The following UQCR11 variants were observed in gnomAD, a reference collection of about 807,000 sequenced individuals.
UQCR11 encodes ubiquinol-cytochrome c reductase, complex III subunit XI.
Under a neutral mutation model 7.6 loss-of-function variants are expected in UQCR11, and 10 were observed. That is an observed-to-expected ratio of 1.31 (90% CI 0.81 to 2.22). The LOEUF is 2.22. Among genes scored for constraint, UQCR11 ranks in the 30% most tolerant of loss-of-function variants. The probability of loss-of-function intolerance (pLI) is 0.00; values close to 1 mark genes in which losing one functional copy is unlikely to be tolerated. For synonymous variants in UQCR11, 34 were observed against 34.9 expected (o/e 0.97, Z 0.09); for missense variants, 86 against 75.1 (o/e 1.15, Z -0.54).
intron 1 of UQCR11, among the ~76,000 whole-genome samples, chr19:1,602,734 G>C (rs575734996): frequency 6.6e-6 from 1 of 152,286 alleles, no homozygotes; most frequent in East Asian, 1.9e-4. Flanking sequence ...TTACACGCGT[G>C]AGCCACTGCG....
At chr19:1,598,735 A>G (rs2060738504) in intron 2 of UQCR11, among the ~76,000 whole-genome samples, 1 of 152,330 alleles carries the variant, frequency 6.6e-6, no homozygotes, top group African/African-American at 2.4e-5. Context: ...TCCCTTCCAT[A>G]TGAAGCTGGC....
chr19:1,604,094 C>T (rs1285692071), intron 1 of UQCR11, among the ~76,000 whole-genome samples: 2 of 152,036 alleles, frequency 1.3e-5, no homozygotes, highest in African/African-American at 4.8e-5. Context: ...TACAGGCACG[C>T]GCCACCATAC....
At chr19:1,599,957 C>T (rs534134466) in intron 1 of UQCR11, among the ~76,000 whole-genome samples, 1 of 152,386 alleles carries the variant, frequency 6.6e-6, no homozygotes, top group Non-Finnish European at 1.5e-5. Flanking sequence ...CAGGCGAGGA[C>T]ACCAAACAAC....
Position 1,597,935 on chromosome 19 carries a change from A to G in UQCR11, c.*309T>C, listed in dbSNP as rs1247098798. The G allele has an allele frequency of 3.3e-5, 5 of 151,984 alleles. No homozygotes were observed. The highest frequency in any genetic ancestry group is 5.9e-5 in the Non-Finnish European group (4 of 68,004). 9.4% of individuals were successfully genotyped at this position (151,984 alleles called of 1,614,324 possible). A position where few individuals can be genotyped will look rare whatever the true frequency, so the allele number is the denominator to read the frequency against. ...GGCAGTTTCTGTCAGCCATTGGAAC[A>G]CTCTCCTAGACTTGCAACATTCTGG... On this transcript the variant is annotated 3_prime_UTR_variant, in exon 3 of 3. Coordinates refer to ENST00000591899, the MANE Select transcript of UQCR11 (RefSeq NM_006830.4).
At chr19:1,599,633 C>T in intron 1 of UQCR11, 73 bp from the exon 2 acceptor site, 1 of 1,576,284 alleles carries the variant, frequency 6.3e-7, no homozygotes, top group Admixed American at 1.7e-5. Flanking sequence ...CCACCCCGGC[C>T]CCCCGTCCTG....
intron 1 of UQCR11, among the ~76,000 whole-genome samples, chr19:1,604,724 T>G (rs1468779428): frequency 6.6e-6 from 1 of 152,002 alleles, no homozygotes; most frequent in East Asian, 1.9e-4. Context: ...GACGCGGGTT[T>G]CACCACGTTG....
chr19:1,605,404 C>T lies in UQCR11; in HGVS notation c.6G>A (p.Val2=). ...GGTAGCGTGGGCCCAGGAACCGGGT[C>T]ACCATCGCGGCGGAGTCGCACCCTC... The part of the protein sequence containing the change: M[V]TRFLGPRYRE... The change falls in exon 1 of 3, where the codon GTG becomes GTA. Residue 2 remains valine (V), a synonymous_variant. Coordinates refer to ENST00000591899, the MANE Select transcript of UQCR11 (RefSeq NM_006830.4). The T allele has an allele frequency of 6.4e-7, 1 of 1,571,718 alleles. No individual in the cohort carries two copies. Among genetic ancestry groups the T allele is most frequent in the Non-Finnish European group, 8.6e-7 (1 of 1,163,186 alleles).
Position 1,605,432 on chromosome 19 carries a change from G to T in UQCR11, c.-23C>A, listed in dbSNP as rs763025760. Reference sequence around the variant, plus strand: ...CATCGCGGCGGAGTCGCACCCTCAGGATGACCCTGTCCAGCTGACCCGGCT... The same window carrying T: ...CATCGCGGCGGAGTCGCACCCTCAGTATGACCCTGTCCAGCTGACCCGGCT... On this transcript the variant is annotated 5_prime_UTR_variant, in exon 1 of 3. Coordinates refer to ENST00000591899, the MANE Select transcript of UQCR11 (RefSeq NM_006830.4). The T allele has an allele frequency of 5.3e-6, 8 of 1,505,890 alleles. No homozygotes were observed. Among genetic ancestry groups the T allele is most frequent in the Non-Finnish European group, 5.3e-6 (6 of 1,125,642 alleles). 93.3% of individuals were successfully genotyped at this position (1,505,890 alleles called of 1,614,324 possible). A position where few individuals can be genotyped will look rare whatever the true frequency, so the allele number is the denominator to read the frequency against.
chr19:1,602,150 ACT>A (rs918734734), intron 1 of UQCR11: 18 of 151,358 alleles, frequency 1.2e-4, no homozygotes, highest in African/African-American at 3.6e-4. Flanking sequence ...CGACAGTGAG[ACT>A]CTGTCTCGGA....
intron 1 of UQCR11, among the ~76,000 whole-genome samples, chr19:1,604,058 G>T (rs766074284): frequency 6.6e-6 from 1 of 151,710 alleles, no homozygotes; most frequent in Non-Finnish European, 1.5e-5. Context: ...CGATTCTCCT[G>T]CCTCAGCCTC....
chr19:1,604,745 T>C (rs991187643), intron 1 of UQCR11, among the ~76,000 whole-genome samples: 3 of 151,950 alleles, frequency 2.0e-5, no homozygotes, highest in African/African-American at 4.8e-5. Context: ...GCCAGGCTGG[T>C]CTCGAACTCC....
rs2060734871 is a variant in UQCR11 at position 1,597,510 on chromosome 19, T to G, written c.*734A>C. 6.6e-6 allele frequency: 1 copy of G among 152,370 alleles called. No homozygotes were observed. Among genetic ancestry groups the G allele is most frequent in the East Asian group, 1.9e-4 (1 of 5,194 alleles). 9.4% of individuals were successfully genotyped at this position (152,370 alleles called of 1,614,324 possible). A position where few individuals can be genotyped will look rare whatever the true frequency, so the allele number is the denominator to read the frequency against. ...ATCACGTGAGACTTCTCAGGGTGGC[T>G]CATAGAAGCACTGTGGCTTGCTCCT... On this transcript the variant is annotated 3_prime_UTR_variant, in exon 3 of 3. Coordinates refer to ENST00000591899, the MANE Select transcript of UQCR11 (RefSeq NM_006830.4).
intron 1 of UQCR11, among the ~76,000 whole-genome samples, chr19:1,600,125 AGGCCC>A: frequency 6.6e-6 from 1 of 151,986 alleles, no homozygotes; most frequent in Non-Finnish European, 1.5e-5. Flanking sequence ...GATTCTAGGA[AGGCCC>A]AGCAGATTCT....
intron 1 of UQCR11, chr19:1,602,504 T>A (rs893695187): frequency 6.6e-6 from 1 of 152,102 alleles, no homozygotes; most frequent in East Asian, 1.9e-4. Context: ...CAGGCTGGAG[T>A]GCAATGACGC....
Position 1,605,365 on chromosome 19 carries a change from C to T in UQCR11, c.45G>A (p.Lys15=), listed in dbSNP as rs773767691. 42 of 1,581,896 alleles carry T rather than the reference C, an allele frequency of 2.7e-5. No homozygotes were observed. The highest frequency in any genetic ancestry group is 3.3e-5 in the Non-Finnish European group (39 of 1,168,214). Residue 15 remains lysine, a synonymous_variant, in exon 1 of 3, where the codon AAG becomes AAA. Transcript: ENST00000591899. ...CCGCGGGTCGGCGTCCTCACCAGTT[C>T]TTGACCAGCTCCCGGTAGCGTGGGC... The part of the protein sequence containing the change: ...FLGPRYRELV[K]NWVPTAYTWG...
intron 1 of UQCR11, among the ~76,000 whole-genome samples, chr19:1,601,882 CG>C (rs369591235): frequency 5.9e-5 from 9 of 152,182 alleles, no homozygotes; most frequent in African/African-American, 1.9e-4. Flanking sequence ...CAATTCCGGG[CG>C]GGGTGCGGCG....
At position 1,605,449 on chromosome 19, in the gene UQCR11, G is replaced by C. The variant is rs1160902920; in HGVS notation, c.-40C>G. ...ACCCTCAGGATGACCCTGTCCAGCT[G>C]ACCCGGCTACACTGCGCAGGCGCGG... is the stretch of plus-strand genomic sequence containing the variant. On this transcript the variant is annotated 5_prime_UTR_variant, in exon 1 of 3. Coordinates refer to ENST00000591899, the MANE Select transcript of UQCR11 (RefSeq NM_006830.4). 22 of 1,307,166 alleles carry C rather than the reference G, an allele frequency of 1.7e-5. No individual in the cohort carries two copies. The highest frequency in any genetic ancestry group is 2.1e-5 in the Non-Finnish European group (21 of 1,006,576). 81.0% of individuals were successfully genotyped at this position (1,307,166 alleles called of 1,614,324 possible). A position where few individuals can be genotyped will look rare whatever the true frequency, so the allele number is the denominator to read the frequency against.
At chr19:1,600,572 CAA>C (rs1255798791) in intron 1 of UQCR11, among the ~76,000 whole-genome samples, 8 of 152,288 alleles carry the variant, frequency 5.3e-5, no homozygotes, top group Non-Finnish European at 7.4e-5. Flanking sequence ...CTGCCGAGGT[CAA>C]GTGACAAAAG....
intron 1 of UQCR11, 88 bp from the exon 2 acceptor site, chr19:1,599,648 G>C: frequency 6.5e-7 from 1 of 1,545,204 alleles, no homozygotes; most frequent in Non-Finnish European, 8.7e-7. Flanking sequence ...GTCCTGAGCG[G>C]TGATGGCTGA....
Sources: allele counts gnomAD v4.1 joint callset (sites outside exome capture counted in the v4.1 genomes callset), GRCh38; gene constraint gnomAD v4.1.1; transcripts MANE v1.5; gene names NCBI Gene and HGNC (gene_info 2026-07-23, HGNC 2026-07-21).